The following NTRK3 variants were observed in gnomAD, a reference collection of about 807,000 sequenced individuals.
NTRK3 encodes the protein NT-3 growth factor receptor.
In NTRK3, 24 loss-of-function variants were observed where a neutral mutation model predicts 91.7. That is an observed-to-expected ratio of 0.26 (90% CI 0.19 to 0.37). NTRK3 has a LOEUF of 0.37. NTRK3 is among the 10% of genes least tolerant of loss of function. The probability of loss-of-function intolerance (pLI) is 1.00; values close to 1 mark genes in which losing one functional copy is unlikely to be tolerated. For synonymous variants in NTRK3, 483 were observed against 404.0 expected, an observed-to-expected ratio of 1.20 and a Z score of -2.34; for missense variants, 880 against 1,068.9, an observed-to-expected ratio of 0.82 and a Z score of 2.46.
intron 3 of NTRK3, among the ~76,000 whole-genome samples, chr15:88,254,778 C>T (rs1429558931): frequency 1.3e-5 from 2 of 152,134 alleles, no homozygotes; most frequent in Non-Finnish European, 2.9e-5. Context: ...AGCTGCCTAC[C>T]CATTGCTGAG....
chr15:88,250,476 A>G (rs1048323616), intron 3 of NTRK3, among the ~76,000 whole-genome samples: 10 of 152,234 alleles, frequency 6.6e-5, no homozygotes, highest in African/African-American at 2.4e-4. Flanking sequence ...TTTGCTACAC[A>G]AGGATAAGAA....
chr15:88,137,679 T>A, intron 6 of NTRK3, 118 bp from the exon 7 acceptor site: 1 of 986,434 alleles, frequency 1.0e-6, no homozygotes, highest in Non-Finnish European at 1.5e-6. Flanking sequence ...AGAAGGGATT[T>A]AACAAGGTTA....
intron 14 of NTRK3, among the ~76,000 whole-genome samples, chr15:87,942,185 T>C (rs902156457): frequency 1.3e-5 from 2 of 152,328 alleles, no homozygotes; most frequent in African/African-American, 2.4e-5. Flanking sequence ...CTAGTAAGGA[T>C]TTGCGAGAGG....
Position 88,203,498 on chromosome 15 carries a change from C to G in NTRK3, c.249-19199G>C, listed in dbSNP as rs893942194. ...AACCACCCTAACGAACAGGTTTTAT[C>G]ATTCTTGTTTATAAATGAAAGGCAC... On this transcript the variant is annotated intron_variant, in intron 3 of 18. Coordinates refer to ENST00000394480, the Ensembl canonical transcript of NTRK3. Among the ~76,000 whole-genome samples, 12 of 152,142 alleles carry G rather than the reference C, an allele frequency of 7.9e-5. No individual in the cohort carries two copies. In the East Asian group the frequency reaches 2.3e-3, roughly 29 times the overall value.
intron 3 of NTRK3, among the ~76,000 whole-genome samples, chr15:88,242,660 G>C (rs1010320432): frequency 6.6e-6 from 1 of 152,180 alleles, no homozygotes; most frequent in Non-Finnish European, 1.5e-5. Flanking sequence ...CTGGTGCTAG[G>C]CGCTAGGATG....
chr15:87,982,158 G>A (rs1473138343), intron 14 of NTRK3, among the ~76,000 whole-genome samples: 2 of 152,200 alleles, frequency 1.3e-5, no homozygotes, highest in East Asian at 3.9e-4. Context: ...TATGAGCCGG[G>A]ATCTGAAGTT....
At chr15:87,865,081 AAG>A (rs2064628456) in exon 19 of NTRK3, 2 of 213,726 alleles carry the variant, frequency 9.4e-6, no homozygotes, top group African/African-American at 4.5e-5. Flanking sequence ...TTAAAGAGAA[AAG>A]AGAAGCTGAG....
chr15:87,895,694 A>T (rs559342934), intron 17 of NTRK3, among the ~76,000 whole-genome samples: 75 of 152,236 alleles, frequency 4.9e-4, no homozygotes, highest in African/African-American at 1.8e-3. Flanking sequence ...CTGATAAGAA[A>T]CATTTTACAA....
intron 3 of NTRK3, among the ~76,000 whole-genome samples, chr15:88,194,550 T>G (rs934609151): frequency 1.3e-5 from 2 of 152,210 alleles, no homozygotes; most frequent in Non-Finnish European, 2.9e-5. Context: ...CCACATCCAC[T>G]ATTATCACCT....
chr15:88,139,380 G>A (rs1261221565), intron 6 of NTRK3, among the ~76,000 whole-genome samples: 1 of 152,160 alleles, frequency 6.6e-6, no homozygotes, highest in African/African-American at 2.4e-5. Context: ...CAGAGGGAGG[G>A]GCACTTGGGC....
chr15:87,880,588 T>C (rs1042731644), intron 17 of NTRK3, among the ~76,000 whole-genome samples, 160 bp from the exon 19 acceptor site: 1 of 152,188 alleles, frequency 6.6e-6, no homozygotes, highest in Non-Finnish European at 1.5e-5. Context: ...AGATGCTGAC[T>C]TTGGAGACCT....
chr15:88,250,156 C>T (rs550533312), intron 3 of NTRK3, among the ~76,000 whole-genome samples: 7 of 152,286 alleles, frequency 4.6e-5, no homozygotes, highest in South Asian at 4.2e-4. Context: ...CTCTCTCAGG[C>T]GTAGTCCTAA....
chr15:88,188,670 G>C (rs1048522709), intron 3 of NTRK3, among the ~76,000 whole-genome samples: 2 of 152,230 alleles, frequency 1.3e-5, no homozygotes, highest in African/African-American at 4.8e-5. Context: ...AGGTCACTGA[G>C]TCCAGGTGAG....
chr15:87,920,495 C>T (rs1033912677), intron 17 of NTRK3, among the ~76,000 whole-genome samples: 1 of 152,146 alleles, frequency 6.6e-6, no homozygotes, highest in African/African-American at 2.4e-5. Context: ...AGAACAAACG[C>T]ATGGTTTAGG....
intron 3 of NTRK3, among the ~76,000 whole-genome samples, chr15:88,187,779 C>A (rs1224837868): frequency 1.3e-5 from 2 of 151,826 alleles, no homozygotes; most frequent in Non-Finnish European, 2.9e-5. Flanking sequence ...ACTAAAAATA[C>A]AAAAATTAGC....
chr15:87,921,158 C>T (rs866977968), intron 17 of NTRK3, among the ~76,000 whole-genome samples: 32 of 152,084 alleles, frequency 2.1e-4, no homozygotes, highest in Admixed American at 1.8e-3. Context: ...ACCACTTCCT[C>T]GGGAATGGAA....
chr15:87,959,789 T>C (rs946399055), intron 14 of NTRK3, among the ~76,000 whole-genome samples: 4 of 152,182 alleles, frequency 2.6e-5, no homozygotes, highest in African/African-American at 9.6e-5. Context: ...GTGGCAGTTT[T>C]GTAGGCTCTG....
intron 13 of NTRK3, among the ~76,000 whole-genome samples, chr15:88,041,932 A>G (rs934367783): frequency 4.0e-5 from 6 of 151,888 alleles, no homozygotes; most frequent in Non-Finnish European, 8.8e-5. Context: ...CAAATCTTCA[A>G]TCTTCTGTTC....
chr15:87,912,159 C>G (rs2067120615), intron 17 of NTRK3, among the ~76,000 whole-genome samples: 1 of 152,176 alleles, frequency 6.6e-6, no homozygotes, highest in African/African-American at 2.4e-5. Flanking sequence ...CCGAAAATCT[C>G]TAAATTAAAT....
Sources: allele counts gnomAD v4.1 joint callset (sites outside exome capture counted in the v4.1 genomes callset), GRCh38; gene constraint gnomAD v4.1.1; transcripts MANE v1.5; gene names NCBI Gene and HGNC (gene_info 2026-07-23, HGNC 2026-07-21).